SOD2: variants seen among roughly 807,000 people sequenced by gnomAD.
SOD2 encodes the protein superoxide dismutase [Mn], mitochondrial.
In SOD2, 11 loss-of-function variants were observed where a neutral mutation model predicts 27.0. The ratio of observed to expected loss-of-function variants is 0.41; its 90% CI spans 0.26 to 0.67. The LOEUF (loss-of-function observed/expected upper bound fraction) is 0.67. Ranked by LOEUF, SOD2 falls within the 30% of genes least tolerant of loss-of-function variation. The pLI is 0.34. For missense variants in SOD2, 250 were observed against 274.5 expected (o/e 0.91, Z 0.63); for synonymous variants, 105 against 103.0 (o/e 1.02, Z -0.12).
chr6:159,753,953 C>T (rs774129243), intron 1 of SOD2, among the ~76,000 whole-genome samples: 1 of 152,138 alleles, frequency 6.6e-6, no homozygotes, highest in Non-Finnish European at 1.5e-5. Context: ...AAGCATTTCT[C>T]GTTAAGTGTA....
chr6:159,700,944 T>C (rs1777513585), intron 1 of SOD2, among the ~76,000 whole-genome samples: 1 of 151,820 alleles, frequency 6.6e-6, no homozygotes, highest in Non-Finnish European at 1.5e-5. Flanking sequence ...CAATGTAGGA[T>C]CTCGGCTTTT....
chr6:159,714,201 C>T (rs975004044), intron 1 of SOD2, among the ~76,000 whole-genome samples: 1 of 152,212 alleles, frequency 6.6e-6, no homozygotes, highest in Non-Finnish European at 1.5e-5. Context: ...CCATCTGTCA[C>T]ATAAGACTAA....
At chr6:159,753,295 A>G in intron 1 of SOD2, 2 of 1,022,486 alleles carry the variant, frequency 2.0e-6, no homozygotes, top group African/African-American at 3.2e-5. Flanking sequence ...AAAATACTGA[A>G]ATGCAGAAGA....
At chr6:159,739,113 T>A (rs1779091746) in intron 1 of SOD2, 1 of 1,273,920 alleles carries the variant, frequency 7.8e-7, no homozygotes, top group African/African-American at 1.5e-5. Context: ...TACACTGTAA[T>A]TGTCTTTGTG....
chr6:159,733,253 A>G (rs370059598), intron 1 of SOD2, among the ~76,000 whole-genome samples: 69 of 152,346 alleles, frequency 4.5e-4, no homozygotes, highest in African/African-American at 1.6e-3. Flanking sequence ...TCAGTGAAAC[A>G]GACTGTATAC....
Position 159,693,160 on chromosome 6 carries a change from C to T in SOD2, c.8G>A (p.Ser3Asn). The change falls in exon 1 of 5, where the codon AGC (serine) becomes AAC (asparagine). Residue 3 changes from serine to asparagine, a missense_variant. Physicochemically the swap from Ser to Asn is conservative, Grantham distance 46 (BLOSUM62 1). Coordinates refer to ENST00000538183, the MANE Select transcript of SOD2 (RefSeq NM_000636.4). ...TTCTTCTCACCCGCACACTGCCCGG[C>T]TCAACATGCTGCTAGTGCTGGTGCT... ML[S>N]RAVCGTSRQL... The T allele has an allele frequency of 9.8e-6, 15 of 1,533,574 alleles. No homozygotes were observed. The highest frequency in any genetic ancestry group is 1.3e-5 in the Non-Finnish European group (15 of 1,139,826). The allele number at this position is 1,533,574 out of a possible 1,614,324, so 95.0% of individuals were successfully genotyped here. A position where few individuals can be genotyped will look rare whatever the true frequency, so the allele number is the denominator to read the frequency against.
rs1779824309 is a variant in SOD2, at chr6:159,678,357, T to C, written c.*4136A>G. On this transcript the variant is annotated 3_prime_UTR_variant, in exon 5 of 5. Coordinates refer to ENST00000538183, the MANE Select transcript of SOD2 (RefSeq NM_000636.4). Reference sequence around the variant, plus strand: ...GCCTGGCCAACAGAGTGAAACCCCATCTCTACTAAAAATACAAAAATTAGC... The same window carrying C: ...GCCTGGCCAACAGAGTGAAACCCCACCTCTACTAAAAATACAAAAATTAGC... 6.6e-6 allele frequency: 1 copy of C among 152,090 alleles called. No homozygotes were observed. The highest frequency in any genetic ancestry group is 1.5e-5 in the Non-Finnish European group (1 of 68,056). 9.4% of individuals were successfully genotyped at this position (152,090 alleles called of 1,614,324 possible).
intron 1 of SOD2, among the ~76,000 whole-genome samples, chr6:159,752,654 G>A (rs1419754062): frequency 6.6e-6 from 1 of 151,084 alleles, no homozygotes; most frequent in African/African-American, 2.5e-5. Flanking sequence ...AAAGTCTTAA[G>A]TCTTTAAAAA....
intron 1 of SOD2, among the ~76,000 whole-genome samples, chr6:159,704,746 A>G (rs996000836): frequency 2.6e-5 from 4 of 152,248 alleles, no homozygotes; most frequent in Non-Finnish European, 4.4e-5. Context: ...GCAGACTTAA[A>G]TGTCCCTGTC....
In SOD2 at chr6:159,713,493, T is replaced by C. The variant is rs529420104; in HGVS notation, c.-116+13636A>G. The C allele has an allele frequency of 3.2e-5, 21 of 665,842 alleles. No individual in the cohort carries two copies. The African/African-American group carries it at 3.8e-4, about 12-fold the overall frequency. 41.2% of individuals were successfully genotyped at this position (665,842 alleles called of 1,614,324 possible). Reference sequence around the variant, plus strand: ...CTATTCTTTCCCTGTGTTTCTTCAATGCCGTCTCAGCTATCTCCTGCGAAG... The same window carrying C: ...CTATTCTTTCCCTGTGTTTCTTCAACGCCGTCTCAGCTATCTCCTGCGAAG... On this transcript the variant is annotated intron_variant, in intron 1 of 2. Coordinates refer to the SOD2 transcript ENST00000401980.
intron 1 of SOD2, chr6:159,712,706 C>T: frequency 2.6e-6 from 1 of 380,144 alleles, no homozygotes; most frequent in Non-Finnish European, 5.2e-6. Flanking sequence ...GCTCTGACCT[C>T]CATAACCACC....
At chr6:159,712,436 CCACTCACACT>C (rs1777829272) in intron 1 of SOD2, among the ~76,000 whole-genome samples, 2 of 55,094 alleles carry the variant, frequency 3.6e-5, no homozygotes, top group Non-Finnish European at 9.5e-5. Context: ...TCCATAACCA[CCACTCACACT>C]GCTCAGACCT....
At chr6:159,690,284 CAAAAAAAAA>C (rs11429489) in intron 2 of SOD2, among the ~76,000 whole-genome samples, 17 of 67,038 alleles carry the variant, frequency 2.5e-4, no homozygotes, top group African/African-American at 1.0e-3. Flanking sequence ...GAGATTCCGT[CAAAAAAAAA>C]AAAAAAAAAA....
chr6:159,707,308 C>CA lies in SOD2; in HGVS notation c.-115-14446dup, dbSNP rs201032952. On this transcript the variant is annotated intron_variant, in intron 1 of 2. Transcript: ENST00000401980. ...GGAGACAGAGACACAAAAAACCCTT[C>CA]AAAAAAATCAATGAATCCAGAAGCT... Among the ~76,000 whole-genome samples, 896 of 152,066 alleles carry CA rather than the reference C, an allele frequency of 5.9e-3. 12 individuals are homozygous for CA. Among genetic ancestry groups the CA allele is most frequent in the African/African-American group, 0.021 (858 of 41,484 alleles).
intron 1 of SOD2, among the ~76,000 whole-genome samples, chr6:159,758,293 G>A (rs1780056479): frequency 6.6e-6 from 1 of 150,892 alleles, no homozygotes; most frequent in African/African-American, 2.4e-5. Flanking sequence ...GGCTTTACAC[G>A]CGCATTCCTC....
intron 1 of SOD2, among the ~76,000 whole-genome samples, chr6:159,711,628 T>A (rs1282023163): frequency 1.6e-5 from 2 of 122,128 alleles, no homozygotes; most frequent in East Asian, 3.0e-4. Context: ...TCAGCTGCTC[T>A]GACCACCATA....
At chr6:159,726,617 A>G in intron 1 of SOD2, 1 of 414,482 alleles carries the variant, frequency 2.4e-6, no homozygotes, top group Non-Finnish European at 4.3e-6. Flanking sequence ...AGTCTACTCC[A>G]CTTGCAGGAC....
intron 1 of SOD2, chr6:159,755,299 C>T: frequency 6.2e-7 from 1 of 1,614,218 alleles, no homozygotes; most frequent in Admixed American, 1.7e-5. Context: ...CTGGATTTCA[C>T]AGGGAGGGCA....
chr6:159,685,052 A>C lies in SOD2; in HGVS notation c.344-19T>G, dbSNP rs773266240. On this transcript the variant is annotated intron_variant, in intron 3 of 4. Transcript: ENST00000538183. ...AACTCCCCTATTAAAAAAAAAATCC[A>C]AAACCACCCACAAATGAACAGATTT... 14 of 1,566,172 alleles carry C rather than the reference A, an allele frequency of 8.9e-6. No homozygotes were observed. In the African/African-American group the frequency reaches 1.8e-4, roughly 20 times the overall value.
Sources: gnomAD v4.1 joint callset for allele counts (sites outside exome capture counted in the v4.1 genomes callset) on GRCh38, gnomAD v4.1.1 for gene constraint, MANE v1.5 for transcripts, NCBI Gene and HGNC (gene_info 2026-07-23, HGNC 2026-07-21) for gene names.